Variants in MGAT4C observed in about 807,000 individuals in gnomAD.
MGAT4C encodes the protein alpha-1,3-mannosyl-glycoprotein 4-beta-N-acetylglucosaminyltransferase C.
A neutral mutation model predicts 40.1 loss-of-function variants in MGAT4C; 19 were observed. That is an observed-to-expected ratio of 0.47 (90% CI 0.33 to 0.70). MGAT4C has a LOEUF of 0.70. Ranked by LOEUF, MGAT4C falls within the 30% of genes least tolerant of loss-of-function variation. MGAT4C has a pLI of 0.02. For missense variants in MGAT4C, 491 were observed against 563.2 expected (o/e 0.87, Z 1.30); for synonymous variants, 181 against 187.1 (o/e 0.97, Z 0.27).
In MGAT4C at chr12:85,968,499, C is replaced by G. The variant is rs1883466921; in HGVS notation, c.*10790G>C. 6.6e-6 allele frequency: 1 copy of G among 151,896 alleles called. No individual in the cohort carries two copies. The highest frequency in any genetic ancestry group is 1.5e-5 in the Non-Finnish European group (1 of 67,880). 9.4% of individuals were successfully genotyped at this position (151,896 alleles called of 1,614,324 possible). A position where few individuals can be genotyped will look rare whatever the true frequency, so the allele number is the denominator to read the frequency against. On this transcript the variant is annotated 3_prime_UTR_variant, in exon 5 of 5. Coordinates refer to ENST00000611864, the MANE Select transcript of MGAT4C (RefSeq NM_001351288.2). ...AACCCAGCAAAACCATAAAAATTGACTGGAACTTTTATTTTTCAGTACAAC... is the reference window on the plus strand; with the variant it reads ...AACCCAGCAAAACCATAAAAATTGAGTGGAACTTTTATTTTTCAGTACAAC...
intron 1 of MGAT4C, among the ~76,000 whole-genome samples, chr12:86,184,260 C>G (rs1024574745): frequency 6.6e-6 from 1 of 151,628 alleles, no homozygotes; most frequent in African/African-American, 2.4e-5. Flanking sequence ...GCCTATAATT[C>G]CAGGTACTAG....
chr12:86,375,294 G>T (rs949431283), intron 3 of MGAT4C, among the ~76,000 whole-genome samples: 1 of 152,142 alleles, frequency 6.6e-6, no homozygotes, highest in Admixed American at 6.5e-5. Context: ...AAAGAATGGA[G>T]AAATTACATG....
intron 4 of MGAT4C, among the ~76,000 whole-genome samples, chr12:86,290,522 C>G (rs1953482339): frequency 6.6e-6 from 1 of 152,028 alleles, no homozygotes; most frequent in South Asian, 2.1e-4. Flanking sequence ...AATTGAAACA[C>G]ATATTATTAA....
chr12:86,743,116 A>ATGTGTGTG (rs60215418), intron 1 of MGAT4C, among the ~76,000 whole-genome samples: 212 of 144,582 alleles, frequency 1.5e-3, no homozygotes, highest in African/African-American at 5.1e-3. Flanking sequence ...GTGTGTATGC[A>ATGTGTGTG]TGTGTGTGTG....
At chr12:86,093,261 C>G (rs1272681952) in intron 1 of MGAT4C, among the ~76,000 whole-genome samples, 1 of 152,152 alleles carries the variant, frequency 6.6e-6, no homozygotes, top group Non-Finnish European at 1.5e-5. Flanking sequence ...TCTACTGACT[C>G]TTTCCACTCT....
intron 2 of MGAT4C, among the ~76,000 whole-genome samples, chr12:85,990,314 A>G (rs1274185633): frequency 6.6e-6 from 1 of 152,164 alleles, no homozygotes; most frequent in Non-Finnish European, 1.5e-5. Flanking sequence ...GATATTTTCC[A>G]ACCAAAGATT....
chr12:86,596,577 T>C (rs1051147306), intron 2 of MGAT4C, among the ~76,000 whole-genome samples: 1 of 152,174 alleles, frequency 6.6e-6, no homozygotes, highest in African/African-American at 2.4e-5. Context: ...TTGTGGCTCT[T>C]ATATTGCTCA....
upstream of MGAT4C, among the ~76,000 whole-genome samples, chr12:86,261,288 A>C (rs1952652553): frequency 6.6e-6 from 1 of 152,138 alleles, no homozygotes; most frequent in Non-Finnish European, 1.5e-5. Flanking sequence ...CAAAAATTGA[A>C]GACCTTATAT....
chr12:86,337,439 T>C (rs891113679), intron 3 of MGAT4C, among the ~76,000 whole-genome samples: 1 of 151,528 alleles, frequency 6.6e-6, no homozygotes, highest in South Asian at 2.1e-4. Flanking sequence ...ACTTAAAAAA[T>C]GTAAAAATTA....
At chr12:86,709,698 A>T (rs1950524788) in intron 2 of MGAT4C, among the ~76,000 whole-genome samples, 1 of 152,062 alleles carries the variant, frequency 6.6e-6, no homozygotes, top group Non-Finnish European at 1.5e-5. Context: ...AAAAGCAGGA[A>T]CCTTCCCTCT....
At chr12:86,372,358 A>G (rs1446084278) in intron 3 of MGAT4C, among the ~76,000 whole-genome samples, 1 of 151,848 alleles carries the variant, frequency 6.6e-6, no homozygotes, top group Non-Finnish European at 1.5e-5. Context: ...TCTTAATTCT[A>G]TAATATGTCT....
intron 4 of MGAT4C, among the ~76,000 whole-genome samples, chr12:86,274,908 A>G (rs1175507936): frequency 1.3e-5 from 2 of 152,166 alleles, no homozygotes; most frequent in African/African-American, 4.8e-5. Flanking sequence ...AGAATAACAA[A>G]AGCTCTTCTT....
intron 3 of MGAT4C, among the ~76,000 whole-genome samples, chr12:86,369,500 A>G (rs1169238960): frequency 2.0e-5 from 3 of 151,680 alleles, no homozygotes; most frequent in African/African-American, 7.3e-5. Context: ...TATATCTGAT[A>G]TAGGTTTTTC....
chr12:86,680,593 G>T (rs751145675), intron 2 of MGAT4C, among the ~76,000 whole-genome samples: 2 of 151,972 alleles, frequency 1.3e-5, no homozygotes, highest in Non-Finnish European at 2.9e-5. Context: ...TCACAGACAC[G>T]ACTGCATTTT....
chr12:86,829,251 G>C (rs1227861487), intron 1 of MGAT4C, among the ~76,000 whole-genome samples: 2 of 151,258 alleles, frequency 1.3e-5, no homozygotes, highest in East Asian at 2.0e-4. Flanking sequence ...AGAAAGGATA[G>C]TTACAAATAC....
chr12:86,027,584 A>G (rs932111964), intron 2 of MGAT4C, among the ~76,000 whole-genome samples: 2 of 151,934 alleles, frequency 1.3e-5, no homozygotes, highest in Admixed American at 6.6e-5. Context: ...ATACACTACA[A>G]AATTATAACT....
At chr12:86,801,241 G>A (rs1158375492) in intron 1 of MGAT4C, among the ~76,000 whole-genome samples, 1 of 151,826 alleles carries the variant, frequency 6.6e-6, no homozygotes, top group Non-Finnish European at 1.5e-5. Context: ...ATATTTGCAG[G>A]AAAGAAAACA....
intron 2 of MGAT4C, among the ~76,000 whole-genome samples, chr12:86,514,733 C>T (rs892552233): frequency 1.3e-5 from 2 of 152,174 alleles, no homozygotes; most frequent in Non-Finnish European, 2.9e-5. Context: ...CTATCTGTAT[C>T]TTTAACTGTT....
At chr12:86,198,963 G>T (rs1949929776) in intron 1 of MGAT4C, among the ~76,000 whole-genome samples, 1 of 151,940 alleles carries the variant, frequency 6.6e-6, no homozygotes, top group Non-Finnish European at 1.5e-5. Flanking sequence ...AACATCACTG[G>T]GACTTTCAAA....
Sources: allele counts gnomAD v4.1 joint callset (sites outside exome capture counted in the v4.1 genomes callset), GRCh38; gene constraint gnomAD v4.1.1; transcripts MANE v1.5; gene names NCBI Gene and HGNC (gene_info 2026-07-23, HGNC 2026-07-21).